The following TBC1D2 variants were observed in gnomAD, a reference collection of about 807,000 sequenced individuals.
TBC1D2 encodes TBC1 domain family member 2A.
TBC1D2 carries 58 observed loss-of-function variants against 91.1 expected under a neutral mutation model. The observed-to-expected ratio is 0.64, with a 90% CI of 0.52 to 0.79. TBC1D2 has a LOEUF of 0.79. Among genes scored for constraint, TBC1D2 ranks in the 30% least tolerant of loss-of-function variants. The pLI, the probability that TBC1D2 is intolerant of heterozygous loss-of-function variation, is 0.00. For missense variants in TBC1D2, 1,080 were observed against 1,208.3 expected, an observed-to-expected ratio of 0.89 and a Z score of 1.57; for synonymous variants, 482 against 511.5, an observed-to-expected ratio of 0.94 and a Z score of 0.78.
chr9:98,226,115 C>A (rs1829227585), intron 5 of TBC1D2, among the ~76,000 whole-genome samples: 1 of 152,234 alleles, frequency 6.6e-6, no homozygotes, highest in Non-Finnish European at 1.5e-5. Flanking sequence ...CACCACTGGG[C>A]ACCCAGAAGT....
chr9:98,253,311 G>C (rs1295025045), intron 1 of TBC1D2, among the ~76,000 whole-genome samples: 1 of 152,058 alleles, frequency 6.6e-6, no homozygotes, highest in East Asian at 1.9e-4. Context: ...AGCCACTCCT[G>C]ACATCTCCCT....
At chr9:98,221,364 C>T in intron 5 of TBC1D2, 136 bp from the exon 6 acceptor site, 2 of 1,101,212 alleles carry the variant, frequency 1.8e-6, no homozygotes, top group Non-Finnish European at 2.5e-6. Flanking sequence ...CTCATCCTGA[C>T]ACTCACTTTC....
intron 6 of TBC1D2, among the ~76,000 whole-genome samples, chr9:98,220,600 A>G (rs1161318349): frequency 6.6e-6 from 1 of 152,188 alleles, no homozygotes; most frequent in Non-Finnish European, 1.5e-5. Flanking sequence ...TACCAGGGCT[A>G]CTGGTTAATG....
At chr9:98,202,275 C>A (rs1828527955) in intron 10 of TBC1D2, among the ~76,000 whole-genome samples, 2 of 152,216 alleles carry the variant, frequency 1.3e-5, no homozygotes, top group South Asian at 4.1e-4. Context: ...ATGCCTCCGT[C>A]CTTGTTTCAC....
chr9:98,225,521 A>G (rs1334344756), intron 5 of TBC1D2, among the ~76,000 whole-genome samples: 1 of 152,176 alleles, frequency 6.6e-6, no homozygotes, highest in Non-Finnish European at 1.5e-5. Flanking sequence ...GACTTGGAGA[A>G]GGAGGTTAGG....
rs141107119 is a variant in TBC1D2 at position 98,215,492 on chromosome 9, A to G, written c.1375-2274T>C. 1.1e-3 allele frequency among the ~76,000 whole-genome samples: 172 copies of G among 152,306 alleles called. 1 individual carries two copies. In the Middle Eastern group the frequency reaches 0.024, roughly 21 times the overall value. Reference sequence around the variant, plus strand: ...CTAAGGCACAGCCAGTATAAGGCAGATGTGACCAAACCCAGGTCTGTCTGA... The same window carrying G: ...CTAAGGCACAGCCAGTATAAGGCAGGTGTGACCAAACCCAGGTCTGTCTGA... On this transcript the variant is annotated intron_variant, in intron 6 of 12. Coordinates refer to ENST00000465784, the MANE Select transcript of TBC1D2 (RefSeq NM_001267571.2).
chr9:98,208,008 T>G (rs563769147), intron 9 of TBC1D2, among the ~76,000 whole-genome samples: 1 of 152,288 alleles, frequency 6.6e-6, no homozygotes, highest in South Asian at 2.1e-4. Flanking sequence ...GTCTTCTGCA[T>G]GGGTTTCACT....
At chr9:98,236,169 G>A (rs565235571) in intron 3 of TBC1D2, among the ~76,000 whole-genome samples, 1 of 151,946 alleles carries the variant, frequency 6.6e-6, no homozygotes, top group Non-Finnish European at 1.5e-5. Context: ...AAAAACAATT[G>A]ACCATCTTAA....
At position 98,251,925 on chromosome 9, in the gene TBC1D2, G is replaced by A; in HGVS notation, c.371C>T (p.Ala124Val). The A allele has an allele frequency of 1.9e-6, 3 of 1,598,736 alleles. No individual in the cohort carries two copies. Among genetic ancestry groups the A allele is most frequent in the East Asian group, 2.3e-5 (1 of 43,256 alleles). Residue 124 changes from alanine to valine, a missense_variant and splice_region_variant, in exon 2 of 13, where the codon GCC becomes GTC. Coordinates refer to ENST00000465784, the MANE Select transcript of TBC1D2 (RefSeq NM_001267571.2). ...GTACAGCATCGCTTGCTTGGTGGCG[G>A]CCTGAGAAGCACAAGGATTAGTTGG... ...KTPSRVITLK[A>V]ATKQAMLYWL...
Position 98,201,606 on chromosome 9 carries a change from T to A in TBC1D2, c.2330A>T (p.His777Leu). The A allele has an allele frequency of 1.2e-6, 2 of 1,614,072 alleles. No individual in the cohort carries two copies. The highest frequency in any genetic ancestry group is 1.1e-5 in the South Asian group (1 of 91,086). ...GAGATCCACGTGGTGCTGCCCCAGATGGGCCATCAGCCTGGGCAGCTTCTC... is the reference window on the plus strand; with the variant it reads ...GAGATCCACGTGGTGCTGCCCCAGAAGGGCCATCAGCCTGGGCAGCTTCTC... Reference protein sequence around the residue: ...LSEKLPRLMAHLGQHHVDLSL... With the variant: ...LSEKLPRLMALLGQHHVDLSL... The change falls in exon 11 of 13, where the codon CAT becomes CTT. Residue 777 changes from histidine to leucine, a missense_variant. His to Leu is a moderately conservative substitution (Grantham distance 99). Coordinates refer to ENST00000465784, the MANE Select transcript of TBC1D2 (RefSeq NM_001267571.2).
Position 98,213,107 on chromosome 9 carries a change from C to A in TBC1D2, c.1485+1G>T, listed in dbSNP as rs1433396430. ...GGCTGGAATAGGGCCCCACCCCGCA[C>A]CTTCGTCAGAAGGGCCTTCTCCTTC... On this transcript the variant is annotated splice_donor_variant, in intron 7 of 12. Transcript: ENST00000465784. LOFTEE classifies it high-confidence loss of function. The A allele has an allele frequency of 6.2e-7, 1 of 1,614,070 alleles. No individual in the cohort carries two copies. Among genetic ancestry groups the A allele is most frequent in the Admixed American group, 1.7e-5 (1 of 60,010 alleles).
intron 7 of TBC1D2, among the ~76,000 whole-genome samples, chr9:98,211,726 ATC>A (rs1828845947): frequency 6.6e-6 from 1 of 151,532 alleles, no homozygotes; most frequent in Non-Finnish European, 1.5e-5. Flanking sequence ...TCTTCTACCT[ATC>A]CCACCTGGTG....
intron 2 of TBC1D2, among the ~76,000 whole-genome samples, chr9:98,246,304 A>G (rs1829763052): frequency 6.6e-6 from 1 of 152,172 alleles, no homozygotes; most frequent in Non-Finnish European, 1.5e-5. Flanking sequence ...GTGTGGGTAT[A>G]AAAATATTAA....
chr9:98,215,817 AT>A (rs1362622080), intron 6 of TBC1D2, among the ~76,000 whole-genome samples: 1 of 152,102 alleles, frequency 6.6e-6, no homozygotes, highest in Admixed American at 6.6e-5. Context: ...GGACTGTCTC[AT>A]TCTAAAGCCC....
At chr9:98,208,567 C>CT (rs1828717462) in intron 9 of TBC1D2, 101 bp downstream of exon 9, 32 of 1,187,832 alleles carry the variant, frequency 2.7e-5, no homozygotes, top group South Asian at 2.6e-4. Context: ...CTGTGCGGCC[C>CT]CTTAACAGGC....
Position 98,228,923 on chromosome 9 carries a change from C to A in TBC1D2, c.978+29G>T. On this transcript the variant is annotated intron_variant, in intron 5 of 12. Transcript: ENST00000465784. The surrounding 1 kb of genome is among the most constrained non-coding windows in gnomAD (Gnocchi z 4.0). ...CAGGAACTGGAGGGGTCCACTGGAA[C>A]CTGGGGCCTCCCTGGGACCAGACCT... is the stretch of plus-strand genomic sequence containing the variant. The A allele has an allele frequency of 6.2e-7, 1 of 1,604,598 alleles. No homozygotes were observed. Among genetic ancestry groups the A allele is most frequent in the South Asian group, 1.1e-5 (1 of 90,410 alleles).
At chr9:98,251,954 G>T in intron 1 of TBC1D2, 28 bp from the exon 2 acceptor site, 1 of 1,584,492 alleles carries the variant, frequency 6.3e-7, no homozygotes. Flanking sequence ...TAGTTGGCAA[G>T]GCCCTGTGCC....
intron 8 of TBC1D2, among the ~76,000 whole-genome samples, chr9:98,209,795 T>TTCCTTCCTTCCTTCCTTC (rs1588034267): frequency 2.0e-4 from 18 of 88,044 alleles, no homozygotes; most frequent in African/African-American, 9.9e-4. Flanking sequence ...TTCCTTCCTT[T>TTCCTTCCTTCCTTCCTTC]CTTTTTCTTT....
chr9:98,224,798 C>T (rs943152910), intron 5 of TBC1D2, among the ~76,000 whole-genome samples: 5 of 152,100 alleles, frequency 3.3e-5, no homozygotes, highest in South Asian at 2.1e-4. Flanking sequence ...GCACAGGCCT[C>T]GGTTCCCATT....
Sources: allele counts gnomAD v4.1 joint callset (sites outside exome capture counted in the v4.1 genomes callset), GRCh38; gene constraint gnomAD v4.1.1; non-coding constraint Gnocchi (gnomAD v3.1); transcripts MANE v1.5; gene names NCBI Gene and HGNC (gene_info 2026-07-23, HGNC 2026-07-21).